USP49: variants seen among roughly 807,000 people sequenced by gnomAD.
USP49 encodes the protein ubiquitin specific peptidase 49, also known as ubiquitin carboxyl-terminal hydrolase 49.
In USP49, 24 loss-of-function variants were observed where a neutral mutation model predicts 58.6. That is an observed-to-expected ratio of 0.41 (90% CI 0.30 to 0.58). The LOEUF is 0.58. USP49 is among the 20% of genes least tolerant of loss of function. USP49 has a pLI of 0.30. For missense variants in USP49, 703 were observed against 866.1 expected, an observed-to-expected ratio of 0.81 and a Z score of 2.36; for synonymous variants, 408 against 365.1, an observed-to-expected ratio of 1.12 and a Z score of -1.34.
intron 3 of USP49, among the ~76,000 whole-genome samples, chr6:41,856,901 T>C (rs1428701636): frequency 1.3e-5 from 2 of 152,332 alleles, no homozygotes; most frequent in East Asian, 1.9e-4. Flanking sequence ...TTTATAGGTA[T>C]GTATATACAG....
chr6:41,812,743 ACT>A (rs1158265403), intron 3 of USP49, among the ~76,000 whole-genome samples: 1 of 152,076 alleles, frequency 6.6e-6, no homozygotes, highest in African/African-American at 2.4e-5. Flanking sequence ...GGGATAAAAG[ACT>A]CTTCATAGAA....
chr6:41,876,210 G>A (rs1774502065), intron 2 of USP49, among the ~76,000 whole-genome samples: 2 of 152,180 alleles, frequency 1.3e-5, no homozygotes, highest in African/African-American at 4.8e-5. Flanking sequence ...AAGCAGGCAA[G>A]GCAGTCATAA....
In USP49 at chr6:41,795,964, T is replaced by TC. The variant is rs1772878636; in HGVS notation, c.*568dup. On this transcript the variant is annotated 3_prime_UTR_variant, in exon 8 of 8. Coordinates refer to ENST00000682992, the MANE Select transcript of USP49 (RefSeq NM_001286554.2). ...GGGAAATTTGTTCCATGCATCTCAC[T>TC]CCACTCTTCAGCTGCTATCCCCAAA... 6.6e-6 allele frequency: 1 copy of TC among 152,268 alleles called. No individual in the cohort carries two copies. Among genetic ancestry groups the TC allele is most frequent in the Non-Finnish European group, 1.5e-5 (1 of 68,082 alleles). 9.4% of individuals were successfully genotyped at this position (152,268 alleles called of 1,614,324 possible).
chr6:41,872,475 T>C (rs1774428699), intron 2 of USP49, among the ~76,000 whole-genome samples: 1 of 152,164 alleles, frequency 6.6e-6, no homozygotes, highest in Non-Finnish European at 1.5e-5. Flanking sequence ...ACCATCCAAG[T>C]ATGAAGTGAC....
chr6:41,806,409 A>T lies in USP49; in HGVS notation c.575T>A (p.Val192Glu). Reference protein sequence around the residue: ...KEEARRRRREVKRRLLEELAS... With the variant: ...KEEARRRRREEKRRLLEELAS... ...CAGCTCCTCCAGCAGCCGCCGTTTC[A>T]CCTCGCGCCGCCGCCTCCGCGCCTC... The change falls in exon 4 of 8, where the codon GTG (valine) becomes GAG (glutamate). Residue 192 changes from valine (V) to glutamate (E), a missense_variant. Physicochemically the swap from Val to Glu is moderately radical, Grantham distance 121 (BLOSUM62 -2). This residue lies in a region of USP49 where 376 missense variants were observed against 373.5 expected (regional missense o/e 1.01). Transcript: ENST00000682992. This position sits in a 1 kb window ranked among gnomAD's most constrained non-coding sequence, Gnocchi z 5.9. 6.4e-7 allele frequency: 1 copy of T among 1,566,426 alleles called. No individual in the cohort carries two copies.
rs1030718128 is a variant in USP49, at chr6:41,798,616, A to G, written c.1876+108T>C. ...TTTCCACTGGATTTTTGATGTATGT[A>G]ATTTCCCTCTAGGTAATCCATGGGA... is the stretch of plus-strand genomic sequence containing the variant. On this transcript the variant is annotated intron_variant, in intron 7 of 7. Transcript: ENST00000682992. 86 of 1,595,256 alleles carry G rather than the reference A, an allele frequency of 5.4e-5. No individual in the cohort carries two copies. In the Admixed American group the frequency reaches 9.8e-4, roughly 18 times the overall value.
In USP49 at chr6:41,876,807, C is replaced by A. The variant is rs577461190; in HGVS notation, c.-102-5170G>T. Among the ~76,000 whole-genome samples, 6 of 152,246 alleles carry A rather than the reference C, an allele frequency of 3.9e-5. No homozygotes were observed. In the South Asian group the frequency reaches 1.2e-3, roughly 32 times the overall value. ...AGAAAAAATTTACATGCATTTACAG[C>A]TAAATAAAGAAAACTTTAAAGTTTT... On this transcript the variant is annotated intron_variant, in intron 2 of 7. Coordinates refer to ENST00000682992, the MANE Select transcript of USP49 (RefSeq NM_001286554.2).
intron 2 of USP49, among the ~76,000 whole-genome samples, chr6:41,875,088 A>C (rs192106097): frequency 6.6e-6 from 1 of 152,286 alleles, no homozygotes; most frequent in Non-Finnish European, 1.5e-5. Context: ...CCTAATATTA[A>C]TGTAGTAAGG....
chr6:41,824,540 G>A (rs1490241589), intron 3 of USP49, among the ~76,000 whole-genome samples: 3 of 151,948 alleles, frequency 2.0e-5, no homozygotes, highest in African/African-American at 2.4e-5. Flanking sequence ...GAGAAACCCC[G>A]TCTCTATTAA....
intron 2 of USP49, among the ~76,000 whole-genome samples, chr6:41,886,755 C>T (rs575722928): frequency 1.3e-5 from 2 of 152,228 alleles, no homozygotes; most frequent in African/African-American, 2.4e-5. Context: ...AAAAATTAGT[C>T]GGGCGTGGTG....
chr6:41,802,468 A>T (rs57994801), intron 5 of USP49, among the ~76,000 whole-genome samples: 6,344 of 70,960 alleles, frequency 0.089, 447 homozygotes, highest in Middle Eastern at 0.1. Context: ...TTATTTATTT[A>T]TTTTTTATTT....
chr6:41,867,453 T>C (rs1372479182), intron 3 of USP49, among the ~76,000 whole-genome samples: 10 of 152,030 alleles, frequency 6.6e-5, no homozygotes, highest in South Asian at 2.1e-4. Context: ...TCTAAACATA[T>C]GTTCTTCTGG....
chr6:41,825,225 C>A (rs529076377), intron 3 of USP49, among the ~76,000 whole-genome samples: 1 of 152,086 alleles, frequency 6.6e-6, no homozygotes, highest in African/African-American at 2.4e-5. Context: ...AGGGAAACAC[C>A]CTAAGCCAAT....
chr6:41,871,484 T>C (rs1161897875), intron 3 of USP49, 80 bp downstream of exon 3: 1 of 152,224 alleles, frequency 6.6e-6, no homozygotes, highest in Non-Finnish European at 1.5e-5. Flanking sequence ...CCTCATAGTA[T>C]GCCAACCTCA....
chr6:41,879,064 G>C (rs956599141), intron 2 of USP49, among the ~76,000 whole-genome samples: 1 of 152,226 alleles, frequency 6.6e-6, no homozygotes, highest in Non-Finnish European at 1.5e-5. Flanking sequence ...ACTCAACTAT[G>C]AATCTGCACT....
rs1168103610 is a variant in USP49, at chr6:41,806,738, G to C, written c.246C>G (p.Tyr82Ter). Residue 82 changes from tyrosine (Y) to a stop codon, truncating the protein, a stop_gained, in exon 4 of 8, where the codon TAC (tyrosine) becomes TAG (stop). Transcript: ENST00000682992. LOFTEE classifies it high-confidence loss of function. The surrounding 1 kb of genome is among the most constrained non-coding windows in gnomAD (Gnocchi z 5.9). ...CCCCCTCTGGGTTATCATTGAGCAC[G>C]TAGTCCTTGCACAGGTAACAGAACA... ...LYVFCYLCKD[Y>*]VLNDNPEGDL... The C allele has an allele frequency of 6.2e-7, 1 of 1,614,248 alleles. No homozygotes were observed. The highest frequency in any genetic ancestry group is 8.5e-7 in the Non-Finnish European group (1 of 1,180,032).
chr6:41,819,460 A>G (rs1252716892), intron 3 of USP49, among the ~76,000 whole-genome samples: 1 of 152,196 alleles, frequency 6.6e-6, no homozygotes, highest in Non-Finnish European at 1.5e-5. Flanking sequence ...ACAGGCAATC[A>G]TTAAAAAAAT....
At chr6:41,864,338 G>A (rs539311710) in intron 3 of USP49, among the ~76,000 whole-genome samples, 23 of 152,208 alleles carry the variant, frequency 1.5e-4, no homozygotes, top group Middle Eastern at 6.8e-3. Context: ...TGAGGCGGGC[G>A]GATCACCTGA....
intron 3 of USP49, among the ~76,000 whole-genome samples, chr6:41,822,662 A>G (rs1218602150): frequency 1.3e-5 from 2 of 152,180 alleles, no homozygotes; most frequent in Admixed American, 1.3e-4. Context: ...CCTGTCCAAC[A>G]TGGTAAAACC....
Sources: allele counts gnomAD v4.1 joint callset (sites outside exome capture counted in the v4.1 genomes callset), GRCh38; gene constraint gnomAD v4.1.1; regional missense constraint gnomAD v4.1.1; non-coding constraint Gnocchi (gnomAD v3.1); transcripts MANE v1.5; gene names NCBI Gene and HGNC (gene_info 2026-07-23, HGNC 2026-07-21).